The following FEZF1 variants were observed in gnomAD, a reference collection of about 807,000 sequenced individuals.
FEZF1 encodes the protein fez family zinc finger protein 1.
A neutral mutation model predicts 32.4 loss-of-function variants in FEZF1; 8 were observed. That is an observed-to-expected ratio of 0.25 (90% CI 0.15 to 0.45). The LOEUF (loss-of-function observed/expected upper bound fraction) is 0.45. Among genes scored for constraint, FEZF1 ranks in the 20% least tolerant of loss-of-function variants. FEZF1 has a pLI of 1.00. For synonymous variants in FEZF1, 259 were observed against 265.2 expected (o/e 0.98, Z 0.23); for missense variants, 546 against 622.3 (o/e 0.88, Z 1.31).
At chr7:122,308,163 A>G (rs1411913368), upstream of FEZF1, among the ~76,000 whole-genome samples, 1 of 151,896 alleles carries the variant, frequency 6.6e-6, no homozygotes, top group African/African-American at 2.4e-5. Flanking sequence ...CTATAATCCT[A>G]TTTTTTTGCT....
rs2031076442 is a variant in FEZF1, at chr7:122,302,412, G to A, written c.1070-57C>T. ...TGAAAAAAAAAATAGCTTAAAAAGG[G>A]AGGAGCAGACACGTGGAAGGTAGCG... On this transcript the variant is annotated intron_variant, in intron 3 of 3. Transcript: ENST00000442488. The surrounding 1 kb of genome is among the most constrained non-coding windows in gnomAD (Gnocchi z 4.4). 8.7e-6 allele frequency: 14 copies of A among 1,608,172 alleles called. No homozygotes were observed. The highest frequency in any genetic ancestry group is 1.2e-5 in the Non-Finnish European group (14 of 1,178,680).
In FEZF1 at chr7:122,303,687, C is replaced by A. The variant is rs762299246; in HGVS notation, c.751G>T (p.Gly251Cys). Residue 251 changes from glycine (G) to cysteine (C), a missense_variant, in exon 1 of 4, where the codon GGC (glycine) becomes TGC (cysteine). This residue lies in a region of FEZF1 where 345 missense variants were observed against 360.6 expected (regional missense o/e 0.96). Coordinates refer to ENST00000442488, the MANE Select transcript of FEZF1 (RefSeq NM_001024613.4). ...IAFKTSDFSR[G>C]SPNAKPKVFT... ...ACTTTGGGCTTGGCATTAGGAGAGC[C>A]TCGGCTGAAATCCGAGGTTTTGAAC... is the stretch of plus-strand genomic sequence containing the variant. The A allele has an allele frequency of 8.7e-6, 14 of 1,614,028 alleles. No homozygotes were observed. The highest frequency in any genetic ancestry group is 1.2e-5 in the Non-Finnish European group (14 of 1,180,048).
At chr7:122,305,420 CTG>C (rs1274239492), upstream of FEZF1, 1 of 152,244 alleles carries the variant, frequency 6.6e-6, no homozygotes, top group Non-Finnish European at 1.5e-5. Flanking sequence ...GAGGCTTGTT[CTG>C]TGTTTGTGGT....
Position 122,304,624 on chromosome 7 carries a change from CG to C in FEZF1, c.-188del, listed in dbSNP as rs1410633593. On this transcript the variant is annotated 5_prime_UTR_variant, in exon 1 of 4. Transcript: ENST00000442488. ...GCCCAATGGACTCCTGCCAGCCCAT[CG>C]CAGAGTTCTTGGCGCACCAATGACT... is the stretch of plus-strand genomic sequence containing the variant. The C allele has an allele frequency of 2.1e-6, 1 of 470,006 alleles. No homozygotes were observed. The highest frequency in any genetic ancestry group is 3.8e-6 in the Non-Finnish European group (1 of 260,396). 29.1% of individuals were successfully genotyped at this position (470,006 alleles called of 1,614,324 possible). A position where few individuals can be genotyped will look rare whatever the true frequency, so the allele number is the denominator to read the frequency against.
Position 122,304,274 on chromosome 7 carries a change from G to T in FEZF1, c.164C>A (p.Ala55Asp). ...ALPVPHFLQGALPKGEPKHSL... is the reference protein window; with the variant it reads ...ALPVPHFLQGDLPKGEPKHSL... ...GTGCTTGGGTTCCCCCTTGGGTAAG[G>T]CTCCCTGCAGGAAGTGGGGGACTGG... Residue 55 changes from alanine to aspartate, a missense_variant, in exon 1 of 4, where the codon GCC becomes GAC. Physicochemically the swap from Ala to Asp is moderately radical, Grantham distance 126. Transcript: ENST00000442488. The T allele has an allele frequency of 1.2e-6, 2 of 1,610,592 alleles. No individual in the cohort carries two copies. Among genetic ancestry groups the T allele is most frequent in the Non-Finnish European group, 1.7e-6 (2 of 1,178,084 alleles).
rs993103368 is a variant in FEZF1 at position 122,301,931 on chromosome 7, G to A, written c.*66C>T. The A allele has an allele frequency of 7.2e-6, 11 of 1,529,066 alleles. No individual in the cohort carries two copies. The highest frequency in any genetic ancestry group is 9.6e-6 in the Non-Finnish European group (11 of 1,150,802). 94.7% of individuals were successfully genotyped at this position (1,529,066 alleles called of 1,614,324 possible). ...GGGTCTGCAGACGAACTCGGACCAG[G>A]AGCTCTAGTCTGCCGCTGCCTCAGC... On this transcript the variant is annotated 3_prime_UTR_variant, in exon 4 of 4. Coordinates refer to ENST00000442488, the MANE Select transcript of FEZF1 (RefSeq NM_001024613.4).
At chr7:122,310,710 C>A (rs1265031288), upstream of FEZF1, 1 of 152,492 alleles carries the variant, frequency 6.6e-6, no homozygotes, top group Middle Eastern at 3.4e-3. Context: ...CACCACCGCC[C>A]CAGCTGGTCT....
In FEZF1 at chr7:122,301,843, C is replaced by A. The variant is rs1400940207; in HGVS notation, c.*154G>T. On this transcript the variant is annotated 3_prime_UTR_variant, in exon 4 of 4. Coordinates refer to ENST00000442488, the MANE Select transcript of FEZF1 (RefSeq NM_001024613.4). ...CCATTTAGCAGGTGCATGCAAGAGG[C>A]GAAAGGCCAGGGGATGCAGAGGCTT... 21 of 1,030,174 alleles carry A rather than the reference C, an allele frequency of 2.0e-5. No individual in the cohort carries two copies. The highest frequency in any genetic ancestry group is 2.9e-5 in the Non-Finnish European group (21 of 724,312). 63.8% of individuals were successfully genotyped at this position (1,030,174 alleles called of 1,614,324 possible).
chr7:122,303,750 T>C lies in FEZF1; in HGVS notation c.688A>G (p.Met230Val), dbSNP rs780945004. The C allele has an allele frequency of 2.4e-5, 38 of 1,614,104 alleles. 1 individual carries two copies. In the South Asian group the frequency reaches 4.0e-4, roughly 17 times the overall value. ...DLSQAQLQHY[M>V]KESAQLLSEK... ...GACAGAAGCTGGGCGCTTTCTTTCA[T>C]GTAATGCTGCAGCTGAGCCTGGGAC... The change falls in exon 1 of 4, where the codon ATG (methionine) becomes GTG (valine). Residue 230 changes from methionine to valine, a missense_variant. Physicochemically the swap from Met to Val is conservative, Grantham distance 21 (BLOSUM62 1). Coordinates refer to ENST00000442488, the MANE Select transcript of FEZF1 (RefSeq NM_001024613.4).
chr7:122,308,532 A>G (rs1207021247), upstream of FEZF1: 1 of 152,216 alleles, frequency 6.6e-6, no homozygotes, highest in Non-Finnish European at 1.5e-5. Flanking sequence ...GTTTCTGGCT[A>G]TGGTTACTGC....
Position 122,304,246 on chromosome 7 carries a change from A to G in FEZF1, c.192T>C (p.Ser64=). 6.2e-7 allele frequency: 1 copy of G among 1,602,292 alleles called. No homozygotes were observed. Among genetic ancestry groups the G allele is most frequent in the African/African-American group, 1.3e-5 (1 of 74,772 alleles). ...AGGGGATCGACGAGTTGAGATGCAG[A>G]GAGTGCTTGGGTTCCCCCTTGGGTA... ...GALPKGEPKH[S]LHLNSSIPCM... The change falls in exon 1 of 4, where the codon TCT becomes TCC. Residue 64 remains serine, a synonymous_variant. Coordinates refer to ENST00000442488, the MANE Select transcript of FEZF1 (RefSeq NM_001024613.4).
upstream of FEZF1, chr7:122,306,824 G>T (rs2031296048): frequency 6.6e-6 from 1 of 152,432 alleles, no homozygotes; most frequent in African/African-American, 2.4e-5. Context: ...CCTCGAGGTG[G>T]CTTCAGGCTG....
chr7:122,310,383 C>T (rs2031389702), exon 1 of FEZF1: 3 of 152,376 alleles, frequency 2.0e-5, no homozygotes, highest in East Asian at 3.9e-4. Context: ...AGCGCAGAGC[C>T]ATTTGAATAG....
Position 122,304,452 on chromosome 7 carries a change from C to T in FEZF1, c.-15G>A. ...CTACTGTCCATGTCTGAGTCGCCAG[C>T]GTCCGTCAGCCGGGGCTGGGTTGCG... is the stretch of plus-strand genomic sequence containing the variant. On this transcript the variant is annotated 5_prime_UTR_variant, in exon 1 of 4. Transcript: ENST00000442488. The T allele has an allele frequency of 6.5e-7, 1 of 1,533,920 alleles. No homozygotes were observed. The highest frequency in any genetic ancestry group is 8.8e-7 in the Non-Finnish European group (1 of 1,134,630).
chr7:122,308,215 A>G (rs562584507), upstream of FEZF1, among the ~76,000 whole-genome samples: 1 of 152,178 alleles, frequency 6.6e-6, no homozygotes, highest in Non-Finnish European at 1.5e-5. Flanking sequence ...CCATCCATGG[A>G]AAGGCAGTAT....
chr7:122,304,282 C>A lies in FEZF1; in HGVS notation c.156G>T (p.Leu52=). ...GTTCCCCCTTGGGTAAGGCTCCCTG[C>A]AGGAAGTGGGGGACTGGCAGGGCCT... The part of the protein sequence containing the change: ...EPKALPVPHF[L]QGALPKGEPK... The change falls in exon 1 of 4, where the codon CTG becomes CTT. Residue 52 remains leucine (L), a synonymous_variant. Transcript: ENST00000442488. The A allele has an allele frequency of 1.9e-6, 3 of 1,611,456 alleles. No homozygotes were observed. Among genetic ancestry groups the A allele is most frequent in the Non-Finnish European group, 2.5e-6 (3 of 1,178,566 alleles).
upstream of FEZF1, chr7:122,305,921 TC>T (rs1334383125): frequency 1.3e-5 from 2 of 152,186 alleles, no homozygotes; most frequent in African/African-American, 4.8e-5. Flanking sequence ...CGGCCGAAAC[TC>T]CTGGGGCGGC....
In FEZF1 at chr7:122,304,073, T is replaced by G. The variant is rs757486716; in HGVS notation, c.365A>C (p.Asn122Thr). 8 of 1,565,824 alleles carry G rather than the reference T, an allele frequency of 5.1e-6. No individual in the cohort carries two copies. The highest frequency in any genetic ancestry group is 6.9e-6 in the Non-Finnish European group (8 of 1,157,948). Reference protein sequence around the residue: ...APAFSCSDLLNCALSLKGDLA... With the variant: ...APAFSCSDLLTCALSLKGDLA... Reference sequence around the variant, plus strand: ...GTCGCCCTTGAGACTCAGTGCGCAGTTGAGCAGGTCGCTGCAGCTGAATGC... The same window carrying G: ...GTCGCCCTTGAGACTCAGTGCGCAGGTGAGCAGGTCGCTGCAGCTGAATGC... Residue 122 changes from asparagine (N) to threonine (T), a missense_variant, in exon 1 of 4, where the codon AAC becomes ACC. Around this residue, in one of 3 missense-constraint regions of FEZF1, gnomAD observed 345 missense variants for 360.6 expected, o/e 0.96. Transcript: ENST00000442488.
chr7:122,301,884 G>C lies in FEZF1; in HGVS notation c.*113C>G, dbSNP rs2150611527. On this transcript the variant is annotated 3_prime_UTR_variant, in exon 4 of 4. Coordinates refer to ENST00000442488, the MANE Select transcript of FEZF1 (RefSeq NM_001024613.4). ...GCAGAGGCTTCTGGTCGGCCCTGAA[G>C]TGTGGGGCCCAACATGCCCTGGGGT... The C allele has an allele frequency of 2.1e-6, 3 of 1,444,864 alleles. No individual in the cohort carries two copies. Among genetic ancestry groups the C allele is most frequent in the East Asian group, 4.6e-5 (2 of 43,428 alleles). The allele number at this position is 1,444,864 out of a possible 1,614,324, so 89.5% of individuals were successfully genotyped here. A position where few individuals can be genotyped will look rare whatever the true frequency, so the allele number is the denominator to read the frequency against.
Sources: allele counts gnomAD v4.1 joint callset (sites outside exome capture counted in the v4.1 genomes callset), GRCh38; gene constraint gnomAD v4.1.1; regional missense constraint gnomAD v4.1.1; non-coding constraint Gnocchi (gnomAD v3.1); transcripts MANE v1.5; gene names NCBI Gene and HGNC (gene_info 2026-07-23, HGNC 2026-07-21).